Variants in PHLDB2 observed in about 807,000 individuals in gnomAD.
PHLDB2 encodes the protein pleckstrin homology like domain family B member 2.
PHLDB2 carries 71 observed loss-of-function variants against 123.6 expected under a neutral mutation model. The ratio of observed to expected loss-of-function variants is 0.57; its 90% confidence interval spans 0.47 to 0.70. The LOEUF is 0.70. Ranked by LOEUF, PHLDB2 falls within the 30% of genes least tolerant of loss-of-function variation. PHLDB2 has a pLI of 0.00. For missense variants in PHLDB2, 1,446 were observed against 1,519.5 expected (o/e 0.95, Z 0.80); for synonymous variants, 547 against 541.6 (o/e 1.01, Z -0.14).
At chr3:111,746,237 G>T (rs1373287997) in intron 1 of PHLDB2, among the ~76,000 whole-genome samples, 2 of 152,102 alleles carry the variant, frequency 1.3e-5, no homozygotes, top group African/African-American at 4.8e-5. Flanking sequence ...TATTCCTTCT[G>T]TTGAGACACT....
At chr3:111,752,929 G>A (rs1297585886) in intron 1 of PHLDB2, among the ~76,000 whole-genome samples, 1 of 151,836 alleles carries the variant, frequency 6.6e-6, no homozygotes, top group Non-Finnish European at 1.5e-5. Context: ...ATAGTTTACT[G>A]AGAATCATGA....
At chr3:111,947,726 T>A (rs1323119489) in intron 9 of PHLDB2, among the ~76,000 whole-genome samples, 4 of 152,202 alleles carry the variant, frequency 2.6e-5, no homozygotes, top group Non-Finnish European at 5.9e-5. Context: ...TTCTTCAGTT[T>A]AACATTATAA....
rs80288475 is a variant in PHLDB2, at chr3:111,780,324, A to G, written c.-49+47621A>G. Among the ~76,000 whole-genome samples, 31 of 7,494 alleles carry G rather than the reference A, an allele frequency of 4.1e-3. No homozygotes were observed. The East Asian group carries it at 0.065, about 16-fold the overall frequency. 4.9% of individuals were successfully genotyped at this position (7,494 alleles called of 152,430 possible). The stretch of plus-strand genomic sequence containing the variant: ...AAGAGGAAGAGGAAGAGGAAGAGGA[A>G]GAAGAAGAAGAAGAAGAAGAAGAAG... On this transcript the variant is annotated intron_variant, in intron 1 of 17. Coordinates refer to the PHLDB2 transcript ENST00000393923.
intron 1 of PHLDB2, among the ~76,000 whole-genome samples, chr3:111,867,257 A>C (rs1470980024): frequency 6.6e-6 from 1 of 152,202 alleles, no homozygotes; most frequent in Non-Finnish European, 1.5e-5. Flanking sequence ...GCTAGGAGCC[A>C]GTGATATGAC....
chr3:111,780,388 G>C (rs2060400287), intron 1 of PHLDB2, among the ~76,000 whole-genome samples: 1 of 48,240 alleles, frequency 2.1e-5, no homozygotes, highest in African/African-American at 4.4e-5. Flanking sequence ...AGAAGAAGAA[G>C]AAGAAGAAGA....
intron 1 of PHLDB2, among the ~76,000 whole-genome samples, chr3:111,867,138 G>A (rs977570222): frequency 2.6e-5 from 4 of 151,944 alleles, no homozygotes; most frequent in African/African-American, 9.7e-5. Flanking sequence ...TCTTGAAAAT[G>A]TATTTGCTTT....
chr3:111,963,435 A>G (rs2071546415), intron 13 of PHLDB2, among the ~76,000 whole-genome samples: 1 of 152,194 alleles, frequency 6.6e-6, no homozygotes, highest in African/African-American at 2.4e-5. Context: ...CAGTTTAATA[A>G]TTTTAGCAGA....
intron 1 of PHLDB2, among the ~76,000 whole-genome samples, chr3:111,843,315 A>G (rs2063781677): frequency 6.6e-6 from 1 of 152,204 alleles, no homozygotes; most frequent in South Asian, 2.1e-4. Context: ...ATATTGTGGT[A>G]TTGATGTGCC....
chr3:111,799,713 T>C (rs1330327075), intron 1 of PHLDB2, among the ~76,000 whole-genome samples: 1 of 152,178 alleles, frequency 6.6e-6, no homozygotes, highest in Non-Finnish European at 1.5e-5. Flanking sequence ...TATCTTCCTA[T>C]GTGAAGATAT....
intron 8 of PHLDB2, among the ~76,000 whole-genome samples, chr3:111,943,849 G>T (rs1377467899): frequency 6.6e-6 from 1 of 152,038 alleles, no homozygotes; most frequent in Non-Finnish European, 1.5e-5. Flanking sequence ...ATCCATCTAT[G>T]ACCCAGCAAC....
chr3:111,945,384 T>A (rs1553753204), intron 9 of PHLDB2, 27 bp downstream of exon 9: 1 of 1,475,982 alleles, frequency 6.8e-7, no homozygotes, highest in Non-Finnish European at 9.4e-7. Context: ...CATGTCGCTT[T>A]ATGTTGCCTT....
chr3:111,783,080 C>T (rs933246472), intron 1 of PHLDB2, among the ~76,000 whole-genome samples: 3 of 152,030 alleles, frequency 2.0e-5, no homozygotes, highest in Non-Finnish European at 4.4e-5. Flanking sequence ...TTCCATAGTT[C>T]TCTGTGCTTC....
At chr3:111,929,617 T>C (rs2068998553) in intron 5 of PHLDB2, among the ~76,000 whole-genome samples, 1 of 152,226 alleles carries the variant, frequency 6.6e-6, no homozygotes, top group South Asian at 2.1e-4. Context: ...TCAAAGTTGG[T>C]CTACTTCTGG....
intron 2 of PHLDB2, among the ~76,000 whole-genome samples, chr3:111,893,667 TC>T (rs1441187519): frequency 3.3e-5 from 5 of 151,384 alleles, no homozygotes; most frequent in Admixed American, 3.3e-4. Flanking sequence ...TTTTTAACTT[TC>T]CTACCTTGTT....
chr3:111,942,322 T>A (rs1168046038), intron 8 of PHLDB2, among the ~76,000 whole-genome samples: 1 of 152,218 alleles, frequency 6.6e-6, no homozygotes, highest in Non-Finnish European at 1.5e-5. Context: ...TTCTAGAAAT[T>A]GACAAGTTGA....
intron 1 of PHLDB2, among the ~76,000 whole-genome samples, chr3:111,864,558 A>G (rs2064978184): frequency 6.6e-6 from 1 of 152,234 alleles, no homozygotes; most frequent in African/African-American, 2.4e-5. Context: ...CTTTAAAGGC[A>G]AGATAGTTGT....
intron 10 of PHLDB2, among the ~76,000 whole-genome samples, chr3:111,951,422 T>C (rs1018600105): frequency 6.6e-6 from 1 of 152,204 alleles, no homozygotes; most frequent in Non-Finnish European, 1.5e-5. Context: ...GTATAAACAG[T>C]TAATTATAAA....
At chr3:111,960,503 C>T (rs1181942954) in intron 12 of PHLDB2, among the ~76,000 whole-genome samples, 1 of 152,180 alleles carries the variant, frequency 6.6e-6, no homozygotes, top group Non-Finnish European at 1.5e-5. Context: ...TGTGAATACT[C>T]TGCATGAAAC....
At chr3:111,932,480 A>G (rs774227387) in intron 6 of PHLDB2, 83 bp downstream of exon 6, 6 of 1,390,988 alleles carry the variant, frequency 4.3e-6, no homozygotes, top group Non-Finnish European at 5.8e-6. Context: ...GTGACTTACG[A>G]CTTCATATAG....
Sources: allele counts gnomAD v4.1 joint callset (sites outside exome capture counted in the v4.1 genomes callset), GRCh38; gene constraint gnomAD v4.1.1; transcripts MANE v1.5; gene names NCBI Gene and HGNC (gene_info 2026-07-23, HGNC 2026-07-21).